Variants in SGCG observed in about 807,000 individuals in gnomAD.
SGCG encodes gamma-sarcoglycan.
A neutral mutation model predicts 29.3 loss-of-function variants in SGCG; 26 were observed. The observed-to-expected ratio is 0.89, with a 90% CI of 0.65 to 1.23. The LOEUF is 1.23. Among genes scored for constraint, SGCG ranks in the 50% most tolerant of loss-of-function variants. The pLI is 0.00. For synonymous variants in SGCG, 145 were observed against 129.7 expected, an observed-to-expected ratio of 1.12 and a Z score of -0.80; for missense variants, 353 against 356.0, an observed-to-expected ratio of 0.99 and a Z score of 0.07.
the SGCG span, among the ~76,000 whole-genome samples, chr13:23,169,669 C>A: frequency 5.4e-4 from 52 of 95,454 alleles, no homozygotes; most frequent in South Asian, 0.02. Context: ...CAGAGAGAGA[C>A]TCCATCTCTC....
rs567051060 is a variant in SGCG at position 23,273,730 on chromosome 13, A to G, written c.386-5629A>G. On this transcript the variant is annotated intron_variant, in intron 4 of 7. Coordinates refer to ENST00000218867, the MANE Select transcript of SGCG (RefSeq NM_000231.3). The stretch of plus-strand genomic sequence containing the variant: ...TAGATTTATTGTATTGTGTTTAGGG[A>G]GTATTATGTGTGGTCTTTCTACGTT... Among the ~76,000 whole-genome samples the G allele has an allele frequency of 3.9e-5, 6 of 151,984 alleles. No individual in the cohort carries two copies. In the East Asian group the frequency reaches 1.2e-3, roughly 29 times the overall value.
At chr13:23,188,164 A>G (rs912670346) in intron 1 of SGCG, among the ~76,000 whole-genome samples, 6 of 152,162 alleles carry the variant, frequency 3.9e-5, no homozygotes, top group African/African-American at 1.4e-4. Context: ...CAGTGGTGGT[A>G]AGTGCAAGAT....
the SGCG span, among the ~76,000 whole-genome samples, chr13:23,175,654 C>T: frequency 6.6e-6 from 1 of 152,054 alleles, no homozygotes; most frequent in Non-Finnish European, 1.5e-5. Context: ...TCCAGCATCT[C>T]AATGATTTCT....
chr13:23,310,078 C>CTTTTTTTTTTTT (rs144258130), intron 6 of SGCG, among the ~76,000 whole-genome samples: 2 of 60,780 alleles, frequency 3.3e-5, no homozygotes, highest in Admixed American at 2.7e-4. Context: ...TTGTTTTTCT[C>CTTTTTTTTTTTT]TTTTTTTTTT....
At chr13:23,188,012 G>T (rs1035484953) in intron 1 of SGCG, among the ~76,000 whole-genome samples, 1 of 152,138 alleles carries the variant, frequency 6.6e-6, no homozygotes, top group African/African-American at 2.4e-5. Context: ...CCCCACAGGG[G>T]CACCAGCAGG....
intron 4 of SGCG, among the ~76,000 whole-genome samples, chr13:23,251,394 G>A (rs1158696777): frequency 2.0e-5 from 3 of 152,172 alleles, no homozygotes; most frequent in African/African-American, 7.2e-5. Flanking sequence ...AAGGTCACAT[G>A]GGAGTGAGGT....
chr13:23,164,512 A>G, the SGCG span, among the ~76,000 whole-genome samples: 2 of 152,344 alleles, frequency 1.3e-5, no homozygotes, highest in Admixed American at 6.5e-5. Context: ...ATCTGAGGCC[A>G]GGTCATTTAT....
chr13:23,252,341 T>C (rs1357173350), intron 4 of SGCG, among the ~76,000 whole-genome samples: 2 of 152,184 alleles, frequency 1.3e-5, no homozygotes, highest in Non-Finnish European at 2.9e-5. Context: ...TAATAAAGAC[T>C]ATGTAATTAT....
At chr13:23,217,606 T>C (rs1878482066) in intron 2 of SGCG, 1 of 152,046 alleles carries the variant, frequency 6.6e-6, no homozygotes, top group Admixed American at 6.6e-5. Flanking sequence ...TGTCCTATGG[T>C]AGCTGCTCTC....
At chr13:23,233,684 G>T (rs960472763) in intron 2 of SGCG, among the ~76,000 whole-genome samples, 10 of 152,078 alleles carry the variant, frequency 6.6e-5, no homozygotes, top group African/African-American at 2.4e-4. Flanking sequence ...TAAAATGTAT[G>T]TAACATATTT....
intron 4 of SGCG, among the ~76,000 whole-genome samples, chr13:23,270,117 A>C (rs936732683): frequency 6.6e-6 from 1 of 151,548 alleles, no homozygotes; most frequent in Non-Finnish European, 1.5e-5. Context: ...CTCGTGATCC[A>C]CCCGCCTCGG....
intron 5 of SGCG, among the ~76,000 whole-genome samples, chr13:23,291,887 G>C (rs1379105694): frequency 6.6e-6 from 1 of 152,126 alleles, no homozygotes; most frequent in Non-Finnish European, 1.5e-5. Flanking sequence ...TGGGGAAAAA[G>C]CACTCAGGGC....
chr13:23,221,953 C>T (rs7334458), intron 2 of SGCG, among the ~76,000 whole-genome samples: 3,638 of 152,184 alleles, frequency 0.024, 156 homozygotes, highest in African/African-American at 0.084. Flanking sequence ...ATAACTTGTT[C>T]GATTAGTTTT....
chr13:23,271,387 A>C (rs1210252614), intron 4 of SGCG, among the ~76,000 whole-genome samples: 1 of 152,072 alleles, frequency 6.6e-6, no homozygotes, highest in Non-Finnish European at 1.5e-5. Flanking sequence ...CCCCATATAA[A>C]ATACACTAAT....
In SGCG at chr13:23,276,431, CT is replaced by C. The variant is rs71100165; in HGVS notation, c.386-2909del. 2.2e-3 allele frequency among the ~76,000 whole-genome samples: 223 copies of C among 102,382 alleles called. 2 individuals are homozygous for C. The highest frequency in any genetic ancestry group is 7.0e-3 in the African/African-American group (200 of 28,582). The allele number at this position is 102,382 out of a possible 152,430, so 67.2% of individuals were successfully genotyped here. The stretch of plus-strand genomic sequence containing the variant: ...CATGAACGCTTTCTTTTTTAGTTTT[CT>C]TTTTTTTTTTTTTTTTTTGAGACAG... On this transcript the variant is annotated intron_variant, in intron 4 of 7. Transcript: ENST00000218867.
rs530895410 is a variant in SGCG at position 23,277,685 on chromosome 13, T to C, written c.386-1674T>C. Among the ~76,000 whole-genome samples the C allele has an allele frequency of 2.9e-4, 44 of 151,842 alleles. No homozygotes were observed. The East Asian group carries it at 6.6e-3, about 23-fold the overall frequency. On this transcript the variant is annotated intron_variant, in intron 4 of 7. Coordinates refer to ENST00000218867, the MANE Select transcript of SGCG (RefSeq NM_000231.3). ...AAAAAAATTATAACATATGACTTATTTTCTCAACTTCCTTTTTTTTTTTTT... is the reference window on the plus strand; with the variant it reads ...AAAAAAATTATAACATATGACTTATCTTCTCAACTTCCTTTTTTTTTTTTT...
chr13:23,186,823 C>G (rs985063397), intron 1 of SGCG, among the ~76,000 whole-genome samples: 2 of 152,152 alleles, frequency 1.3e-5, no homozygotes, highest in African/African-American at 2.4e-5. Flanking sequence ...GGCTTGTTGG[C>G]ATCTCCTATG....
chr13:23,209,927 A>G (rs1054140760), intron 2 of SGCG, among the ~76,000 whole-genome samples: 4 of 152,234 alleles, frequency 2.6e-5, no homozygotes, highest in African/African-American at 7.2e-5. Context: ...TTACTACACT[A>G]TGTGAAGTGT....
At chr13:23,300,976 T>C (rs945385359) in intron 6 of SGCG, among the ~76,000 whole-genome samples, 1 of 151,902 alleles carries the variant, frequency 6.6e-6, no homozygotes, top group Non-Finnish European at 1.5e-5. Context: ...ATTAGCCGGG[T>C]GTGGTGGCAG....
Sources: gnomAD v4.1 joint callset for allele counts (sites outside exome capture counted in the v4.1 genomes callset) on GRCh38, gnomAD v4.1.1 for gene constraint, MANE v1.5 for transcripts, NCBI Gene and HGNC (gene_info 2026-07-23, HGNC 2026-07-21) for gene names.